The following LRRC27 variants were observed in gnomAD, a reference collection of about 807,000 sequenced individuals.
LRRC27 encodes leucine-rich repeat-containing protein 27.
In LRRC27, 57 loss-of-function variants were observed where a neutral mutation model predicts 55.0. The ratio of observed to expected loss-of-function variants is 1.04; its 90% CI spans 0.84 to 1.29. The LOEUF (loss-of-function observed/expected upper bound fraction) is 1.29, where lower values mean the gene tolerates loss of function less well. Ranked by LOEUF, LRRC27 falls within the 50% of genes most tolerant of loss-of-function variation. The probability of loss-of-function intolerance (pLI) is 0.00; values close to 1 mark genes in which losing one functional copy is unlikely to be tolerated. For missense variants in LRRC27, 721 were observed against 651.5 expected (o/e 1.11, Z -1.16); for synonymous variants, 278 against 251.9 (o/e 1.10, Z -0.98).
intron 3 of LRRC27, among the ~76,000 whole-genome samples, chr10:132,340,984 A>C (rs1306433055): frequency 6.6e-6 from 1 of 152,194 alleles, no homozygotes. Context: ...TGGGGTTACC[A>C]ATAAAAAAAT....
chr10:132,358,348 G>C lies in LRRC27; in HGVS notation c.1170+2462G>C, dbSNP rs1217949146. 4.6e-5 allele frequency among the ~76,000 whole-genome samples: 6 copies of C among 131,308 alleles called. No individual in the cohort carries two copies. The South Asian group carries it at 1.7e-3, about 36-fold the overall frequency. The allele number at this position is 131,308 out of a possible 152,430, so 86.1% of individuals were successfully genotyped here. ...TGATGGAGCAGCGTGGGGAGGAGCC[G>C]AGGTGGTGGAGCAGCGTGGGGAGGA... On this transcript the variant is annotated intron_variant, in intron 8 of 10. Transcript: ENST00000368614.
At position 132,375,317 on chromosome 10, in the gene LRRC27, G is replaced by T. The variant is rs756457201; in HGVS notation, c.*75G>T. The T allele has an allele frequency of 4.3e-6, 6 of 1,408,060 alleles. No individual in the cohort carries two copies. The South Asian group carries it at 5.3e-5, about 12-fold the overall frequency. The allele number at this position is 1,408,060 out of a possible 1,614,324, so 87.2% of individuals were successfully genotyped here. On this transcript the variant is annotated 3_prime_UTR_variant, in exon 11 of 11. Coordinates refer to ENST00000368614, the MANE Select transcript of LRRC27 (RefSeq NM_030626.3). Reference sequence around the variant, plus strand: ...TCTTCTTTCCCGGGCGTCGCCTCCTGTGTGGTGCCGGAAGAGCGCCAGGTT... The same window carrying T: ...TCTTCTTTCCCGGGCGTCGCCTCCTTTGTGGTGCCGGAAGAGCGCCAGGTT...
intron 10 of LRRC27, among the ~76,000 whole-genome samples, chr10:132,368,148 A>G (rs1268227610): frequency 2.0e-5 from 3 of 152,250 alleles, no homozygotes; most frequent in Admixed American, 1.3e-4. Context: ...AACAAAATGT[A>G]TACAAAATCT....
rs2069238875 is a variant in LRRC27, at chr10:132,372,324, T to A, written c.1417-2742T>A. On this transcript the variant is annotated intron_variant, in intron 10 of 10. Coordinates refer to ENST00000368614, the MANE Select transcript of LRRC27 (RefSeq NM_030626.3). The surrounding 1 kb of genome is among the most constrained non-coding windows in gnomAD (Gnocchi z 4.0). The stretch of plus-strand genomic sequence containing the variant: ...ACTCACGCCTGCAATCCCAGCACTT[T>A]GGGAGGCCAAGGCAGGTGAATCACC... Among the ~76,000 whole-genome samples, 1 of 152,150 alleles carries A rather than the reference T, an allele frequency of 6.6e-6. No individual in the cohort carries two copies. The highest frequency in any genetic ancestry group is 6.5e-5 in the Admixed American group (1 of 15,286).
chr10:132,364,500 T>G (rs1341604017), intron 9 of LRRC27, among the ~76,000 whole-genome samples: 1 of 900 alleles, frequency 1.1e-3, no homozygotes, highest in Non-Finnish European at 2.9e-3. Context: ...CACCCACCCT[T>G]ACATCTACCT....
chr10:132,344,766 G>A, intron 5 of LRRC27, 116 bp downstream of exon 5: 4 of 1,124,848 alleles, frequency 3.6e-6, no homozygotes, highest in Non-Finnish European at 3.8e-6. Context: ...GGAGCCATGG[G>A]TCCTCTGCTG....
Position 132,344,576 on chromosome 10 carries a change from G to A in LRRC27, c.479G>A (p.Gly160Glu). Residue 160 changes from glycine to glutamate, a missense_variant, in exon 5 of 11, where the codon GGA becomes GAA. By Grantham distance (98) the Gly-to-Glu change is moderately conservative. Transcript: ENST00000368614. The stretch of plus-strand genomic sequence containing the variant: ...CCTCCTCAGCTCGTTGTGCAGAAGG[G>A]ATTGGTGGCTATCCAGCGCTTCCTG... ...EFPPQLVVQK[G>E]LVAIQRFLRM... 6.2e-7 allele frequency: 1 copy of A among 1,614,174 alleles called. No homozygotes were observed. Among genetic ancestry groups the A allele is most frequent in the East Asian group, 2.2e-5 (1 of 44,884 alleles).
chr10:132,337,209 C>A lies in LRRC27; in HGVS notation c.211-356C>A, dbSNP rs555282635. ...TTCGGGGGCTGCCGAGGGCCAGGTGCTGCGGCAGGCACTGGAGAAACGGCC... is the reference window on the plus strand; with the variant it reads ...TTCGGGGGCTGCCGAGGGCCAGGTGATGCGGCAGGCACTGGAGAAACGGCC... On this transcript the variant is annotated intron_variant, in intron 2 of 10. Transcript: ENST00000368614. 2.0e-5 allele frequency: 24 copies of A among 1,173,652 alleles called. No homozygotes were observed. The South Asian group carries it at 5.1e-4, about 25-fold the overall frequency. 72.7% of individuals were successfully genotyped at this position (1,173,652 alleles called of 1,614,324 possible). A position where few individuals can be genotyped will look rare whatever the true frequency, so the allele number is the denominator to read the frequency against.
intron 9 of LRRC27, among the ~76,000 whole-genome samples, chr10:132,361,942 C>G (rs761173246): frequency 6.6e-6 from 1 of 152,156 alleles, no homozygotes; most frequent in African/African-American, 2.4e-5. Context: ...ACCTCACCGC[C>G]GCTGCCTCCC....
At chr10:132,336,712 A>G in intron 2 of LRRC27, 1 of 732,128 alleles carries the variant, frequency 1.4e-6, no homozygotes, top group Non-Finnish European at 2.5e-6. Flanking sequence ...TCACACAGCC[A>G]ATAGATTTTG....
At position 132,337,314 on chromosome 10, in the gene LRRC27, G is replaced by A. The variant is rs2067183296; in HGVS notation, c.211-251G>A. 29 of 1,302,948 alleles carry A rather than the reference G, an allele frequency of 2.2e-5. No individual in the cohort carries two copies. In the South Asian group the frequency reaches 5.2e-4, roughly 23 times the overall value. 80.7% of individuals were successfully genotyped at this position (1,302,948 alleles called of 1,614,324 possible). A position where few individuals can be genotyped will look rare whatever the true frequency, so the allele number is the denominator to read the frequency against. The stretch of plus-strand genomic sequence containing the variant: ...GAAACAGTGGTGTGCTGGGTCAGCA[G>A]CAGAGTGCCGGCTCTTCAGGAAGTC... On this transcript the variant is annotated intron_variant, in intron 2 of 10. Transcript: ENST00000368614.
chr10:132,333,514 G>C lies in LRRC27; in HGVS notation c.-11G>C, dbSNP rs1175871500. On this transcript the variant is annotated 5_prime_UTR_variant, in exon 2 of 11. Coordinates refer to ENST00000368614, the MANE Select transcript of LRRC27 (RefSeq NM_030626.3). ...CAAGGAGGATGAGCTGCTGTCCCTG[G>C]AAGAGAACGGATGGAGGGAAGCAGC... The C allele has an allele frequency of 6.3e-7, 1 of 1,584,016 alleles. No homozygotes were observed. The highest frequency in any genetic ancestry group is 2.2e-5 in the East Asian group (1 of 44,502).
chr10:132,331,366 C>G (rs1410972922), upstream of LRRC27: 12 of 1,487,240 alleles, frequency 8.1e-6, no homozygotes, highest in Middle Eastern at 1.8e-4. Context: ...ACCACGCGAG[C>G]ACCTCCCCTC....
At chr10:132,335,979 C>T (rs2067110443) in intron 2 of LRRC27, among the ~76,000 whole-genome samples, 1 of 152,106 alleles carries the variant, frequency 6.6e-6, no homozygotes, top group African/African-American at 2.4e-5. Context: ...CAAGTAGGGG[C>T]CTAGTACATC....
At chr10:132,349,439 C>G (rs1323734255) in intron 6 of LRRC27, among the ~76,000 whole-genome samples, 1 of 152,138 alleles carries the variant, frequency 6.6e-6, no homozygotes, top group Non-Finnish European at 1.5e-5. Context: ...GTAGGATGTC[C>G]TAGCAGCACA....
Position 132,333,221 on chromosome 10 carries a change from A to G in LRRC27, c.-48-256A>G, listed in dbSNP as rs140123187. Among the ~76,000 whole-genome samples the G allele has an allele frequency of 2.1e-4, 32 of 151,904 alleles. No homozygotes were observed. The East Asian group carries it at 4.6e-3, about 22-fold the overall frequency. ...TTACATCCCTAAAATGATCATTACT[A>G]TTGTGCGCCTTTGCGTTTTCCAGGA... is the stretch of plus-strand genomic sequence containing the variant. On this transcript the variant is annotated intron_variant, in intron 1 of 10. Transcript: ENST00000368614.
chr10:132,346,923 T>C (rs1284971092), intron 5 of LRRC27, among the ~76,000 whole-genome samples: 1 of 152,252 alleles, frequency 6.6e-6, no homozygotes, highest in Non-Finnish European at 1.5e-5. Context: ...GTCAGGAGCA[T>C]GTGGCAGCCA....
intron 4 of LRRC27, among the ~76,000 whole-genome samples, chr10:132,343,928 C>T (rs1219624214): frequency 6.6e-6 from 1 of 152,256 alleles, no homozygotes; most frequent in East Asian, 1.9e-4. Context: ...CTCTCAGCGG[C>T]CATCGTTTCC....
intron 7 of LRRC27, among the ~76,000 whole-genome samples, chr10:132,355,199 C>A (rs979743967): frequency 6.6e-6 from 1 of 152,196 alleles, no homozygotes; most frequent in Non-Finnish European, 1.5e-5. Flanking sequence ...CCTCAGCCTC[C>A]CGAGTAGCTG....
Sources: allele counts gnomAD v4.1 joint callset (sites outside exome capture counted in the v4.1 genomes callset), GRCh38; gene constraint gnomAD v4.1.1; non-coding constraint Gnocchi (gnomAD v3.1); transcripts MANE v1.5; gene names NCBI Gene and HGNC (gene_info 2026-07-23, HGNC 2026-07-21).